The following ENTREP2 variants were observed in gnomAD, a reference collection of about 807,000 sequenced individuals.
The protein encoded by ENTREP2 is endosomal transmembrane epsin interactor 2, also known as protein ENTREP2.
chr15:29,672,654 G>C, the ENTREP2 span, among the ~76,000 whole-genome samples: 1 of 152,056 alleles, frequency 6.6e-6, no homozygotes. Flanking sequence ...AATTGCAGTC[G>C]AGAGTTTAAT....
chr15:29,332,959 C>CAA, the ENTREP2 span, among the ~76,000 whole-genome samples: 44 of 48,264 alleles, frequency 9.1e-4, no homozygotes, highest in East Asian at 2.0e-3. Flanking sequence ...AACTCCATCT[C>CAA]AAAAAAAAAA....
At chr15:29,510,364 A>G in the ENTREP2 span, among the ~76,000 whole-genome samples, 8 of 152,252 alleles carry the variant, frequency 5.3e-5, no homozygotes, top group Admixed American at 2.6e-4. Flanking sequence ...ATCTAGAACT[A>G]GAAATACTAT....
the ENTREP2 span, among the ~76,000 whole-genome samples, chr15:29,642,447 T>TAC: frequency 0.045 from 6,646 of 148,678 alleles, 180 homozygotes; most frequent in South Asian, 0.066. Context: ...TATACATATA[T>TAC]ATATACACAC....
the ENTREP2 span, among the ~76,000 whole-genome samples, chr15:29,208,981 T>C: frequency 5.3e-4 from 80 of 152,224 alleles, 1 homozygote; most frequent in Non-Finnish European, 9.4e-4. Context: ...AGAATTCTTT[T>C]GTGACATTAG....
At chr15:29,518,552 G>A in the ENTREP2 span, among the ~76,000 whole-genome samples, 2,037 of 152,274 alleles carry the variant, frequency 0.013, 48 homozygotes, top group African/African-American at 0.047. Context: ...GTAGGACCCA[G>A]GACAGTCCTT....
chr15:29,429,541 G>A, the ENTREP2 span, among the ~76,000 whole-genome samples: 3 of 152,258 alleles, frequency 2.0e-5, no homozygotes, highest in South Asian at 6.2e-4. Flanking sequence ...TTTTGAATTT[G>A]GGACTCCCAC....
the ENTREP2 span, among the ~76,000 whole-genome samples, chr15:29,327,737 C>A: frequency 1.3e-5 from 2 of 152,204 alleles, no homozygotes; most frequent in Non-Finnish European, 2.9e-5. Context: ...GATACCATTA[C>A]ATACCTATCA....
At chr15:29,613,395 G>A in the ENTREP2 span, 2 of 439,204 alleles carry the variant, frequency 4.6e-6, no homozygotes, top group Non-Finnish European at 9.3e-6. Context: ...GAAGGAAGCT[G>A]AGAGCTGTGA....
At chr15:29,354,754 CAGAA>C in the ENTREP2 span, among the ~76,000 whole-genome samples, 1 of 152,110 alleles carries the variant, frequency 6.6e-6, no homozygotes, top group African/African-American at 2.4e-5. Context: ...TGCCCCAAAA[CAGAA>C]AGAGAGACTG....
the ENTREP2 span, among the ~76,000 whole-genome samples, chr15:29,540,732 T>TA: frequency 1.3e-5 from 2 of 152,248 alleles, no homozygotes; most frequent in African/African-American, 4.8e-5. Context: ...CAAGCACTGA[T>TA]AAAGTGATGT....
the ENTREP2 span, among the ~76,000 whole-genome samples, chr15:29,178,712 A>C: frequency 1.1e-3 from 166 of 152,252 alleles, no homozygotes; most frequent in Non-Finnish European, 2.0e-3. Context: ...AGATGTTTAC[A>C]GTTCTTGAGT....
chr15:29,644,696 G>A, the ENTREP2 span, among the ~76,000 whole-genome samples: 9 of 151,708 alleles, frequency 5.9e-5, no homozygotes, highest in East Asian at 7.8e-4. Context: ...CCAGCTACTC[G>A]GGAAGCTGAG....
chr15:29,494,862 T>C, the ENTREP2 span, among the ~76,000 whole-genome samples: 10 of 152,270 alleles, frequency 6.6e-5, no homozygotes, highest in East Asian at 1.9e-3. Context: ...TGGCTAATAC[T>C]CCTCTGCCTG....
At chr15:29,262,096 G>GT in the ENTREP2 span, among the ~76,000 whole-genome samples, 1 of 32,276 alleles carries the variant, frequency 3.1e-5, no homozygotes, top group Admixed American at 3.2e-4. Context: ...AAAAAAAAAA[G>GT]GGCGAAGGCA....
the ENTREP2 span, among the ~76,000 whole-genome samples, chr15:29,661,051 A>G: frequency 7.1e-6 from 1 of 141,660 alleles, no homozygotes; most frequent in Non-Finnish European, 1.5e-5. Flanking sequence ...TGTGGTTGTA[A>G]TTACAGCATT....
chr15:29,621,306 G>A, the ENTREP2 span, among the ~76,000 whole-genome samples: 1 of 151,562 alleles, frequency 6.6e-6, no homozygotes. Context: ...GGTGGATCAC[G>A]AGGTCAGGAG....
At chr15:29,155,297 A>T in the ENTREP2 span, among the ~76,000 whole-genome samples, 1 of 151,242 alleles carries the variant, frequency 6.6e-6, no homozygotes, top group African/African-American at 2.4e-5. Context: ...AAGAAAAAAA[A>T]AAAAAAGAAG....
the ENTREP2 span, among the ~76,000 whole-genome samples, chr15:29,373,000 G>T: frequency 6.6e-6 from 1 of 152,016 alleles, no homozygotes; most frequent in Non-Finnish European, 1.5e-5. Flanking sequence ...AAACATTTTA[G>T]AAATAAACAG....
chr15:29,443,975 G>A, the ENTREP2 span, among the ~76,000 whole-genome samples: 1 of 152,120 alleles, frequency 6.6e-6, no homozygotes, highest in African/African-American at 2.4e-5. Flanking sequence ...GTGATGGTGG[G>A]CGCCTGTAGT....
Sources: gnomAD v4.1 joint callset for allele counts (sites outside exome capture counted in the v4.1 genomes callset) on GRCh38, gnomAD v4.1.1 for gene constraint, MANE v1.5 for transcripts, NCBI Gene and HGNC (gene_info 2026-07-23, HGNC 2026-07-21) for gene names.